The following KALRN variants were observed in gnomAD, a reference collection of about 807,000 sequenced individuals.
KALRN encodes the protein kalirin RhoGEF kinase, also known as kalirin.
Under a neutral mutation model 353.7 loss-of-function variants are expected in KALRN, and 70 were observed. The ratio of observed to expected loss-of-function variants is 0.20; its 90% CI spans 0.16 to 0.24. The LOEUF is 0.24. Ranked by LOEUF, KALRN falls within the 10% of genes least tolerant of loss-of-function variation. The probability of loss-of-function intolerance (pLI) is 1.00; values close to 1 mark genes in which losing one functional copy is unlikely to be tolerated. For synonymous variants in KALRN, 1,391 were observed against 1,434.8 expected, an observed-to-expected ratio of 0.97 and a Z score of 0.69; for missense variants, 2,791 against 3,756.7, an observed-to-expected ratio of 0.74 and a Z score of 6.72.
Position 124,518,608 on chromosome 3 carries a change from T to G in KALRN, c.4935+22195T>G, listed in dbSNP as rs971657574. On this transcript the variant is annotated intron_variant, in intron 33 of 59. Coordinates refer to ENST00000682506, the MANE Select transcript of KALRN (RefSeq NM_001388419.1). The stretch of plus-strand genomic sequence containing the variant: ...TGCAGCCTTTGCTCAGAGGGCAACA[T>G]GTTCCAAGCAAAATCTCCCCGCCTG... 3 of 1,539,450 alleles carry G rather than the reference T, an allele frequency of 1.9e-6. No individual in the cohort carries two copies. In the Admixed American group the frequency reaches 5.9e-5, roughly 31 times the overall value.
chr3:124,398,845 C>T lies in KALRN; in HGVS notation c.2320C>T (p.Arg774Cys), dbSNP rs768341806. 3 of 1,613,298 alleles carry T rather than the reference C, an allele frequency of 1.9e-6. No homozygotes were observed. Among genetic ancestry groups the T allele is most frequent in the Admixed American group, 1.7e-5 (1 of 59,970 alleles). The change falls in exon 13 of 60, where the codon CGC (arginine) becomes TGC (cysteine). Residue 774 changes from arginine (R) to cysteine (C), a missense_variant. Physicochemically the swap from Arg to Cys is radical, Grantham distance 180. Around this residue, in one of 11 missense-constraint regions of KALRN, gnomAD observed 452 missense variants for 575.8 expected, o/e 0.78. Coordinates refer to ENST00000682506, the MANE Select transcript of KALRN (RefSeq NM_001388419.1). ...CAAGCTGGACATCTTCCTGCAACTG[C>T]GCATCTTTGAGCAGTACACCATCGA... ...KIKLDIFLQL[R>C]IFEQYTIEVT...
At chr3:124,571,826 C>A (rs1312887831) in intron 34 of KALRN, among the ~76,000 whole-genome samples, 1 of 151,612 alleles carries the variant, frequency 6.6e-6, no homozygotes, top group East Asian at 2.0e-4. Context: ...TGAGGTTTCG[C>A]CATGTTGCCC....
At chr3:124,220,548 GGAATGAAGA>G (rs1212294248) in intron 1 of KALRN, among the ~76,000 whole-genome samples, 1 of 152,094 alleles carries the variant, frequency 6.6e-6, no homozygotes, top group Non-Finnish European at 1.5e-5. Context: ...GAGAATGAAG[GGAATGAAGA>G]TCTTGCTTCT....
Position 124,176,025 on chromosome 3 carries a change from C to T in KALRN, c.74-51965C>T, listed in dbSNP as rs138519529. Reference sequence around the variant, plus strand: ...TCATCTTAGGTTTTAGACCCAGTAGCCCCCCTTTATAACCTCTTGTCTGCA... The same window carrying T: ...TCATCTTAGGTTTTAGACCCAGTAGTCCCCCTTTATAACCTCTTGTCTGCA... On this transcript the variant is annotated intron_variant, in intron 1 of 59. Transcript: ENST00000682506. Among the ~76,000 whole-genome samples, 190 of 152,212 alleles carry T rather than the reference C, an allele frequency of 1.2e-3. 1 individual carries two copies. The highest frequency in any genetic ancestry group is 0.01 in the Middle Eastern group (3 of 294).
chr3:124,702,581 T>G (rs1375695457), intron 57 of KALRN, among the ~76,000 whole-genome samples: 2 of 152,242 alleles, frequency 1.3e-5, no homozygotes, highest in Admixed American at 1.3e-4. Context: ...AGAAAATCTA[T>G]ATGGTACTGA....
intron 3 of KALRN, among the ~76,000 whole-genome samples, chr3:124,243,961 T>G (rs775563625): frequency 1.3e-5 from 2 of 152,132 alleles, no homozygotes; most frequent in Non-Finnish European, 2.9e-5. Context: ...TTTTCAAAGT[T>G]AGGGTTAGGG....
chr3:124,126,450 T>A (rs2064684436), intron 1 of KALRN, among the ~76,000 whole-genome samples: 1 of 152,196 alleles, frequency 6.6e-6, no homozygotes. Context: ...CACTCCTGCA[T>A]CTTGAGAGGT....
intron 37 of KALRN, among the ~76,000 whole-genome samples, chr3:124,642,960 G>T (rs1014180591): frequency 6.6e-6 from 1 of 151,868 alleles, no homozygotes; most frequent in Non-Finnish European, 1.5e-5. Flanking sequence ...GGGATTAACA[G>T]GCATGCGCCA....
intron 10 of KALRN, among the ~76,000 whole-genome samples, chr3:124,374,797 T>C (rs2086352174): frequency 6.6e-6 from 1 of 152,210 alleles, no homozygotes; most frequent in African/African-American, 2.4e-5. Flanking sequence ...ACTGCAAAGT[T>C]ACATCTTTTG....
intron 51 of KALRN, among the ~76,000 whole-genome samples, chr3:124,684,308 A>G (rs1284359391): frequency 6.6e-6 from 1 of 152,122 alleles, no homozygotes; most frequent in African/African-American, 2.4e-5. Context: ...TTTAACCTAA[A>G]ACACAGATCC....
intron 34 of KALRN, among the ~76,000 whole-genome samples, chr3:124,566,894 G>C (rs1318852938): frequency 6.6e-6 from 1 of 152,154 alleles, no homozygotes; most frequent in East Asian, 1.9e-4. Context: ...TAAGAGAACT[G>C]GTCCTCTTAG....
chr3:124,507,635 C>T (rs1478221756), intron 33 of KALRN, among the ~76,000 whole-genome samples: 2 of 152,166 alleles, frequency 1.3e-5, no homozygotes, highest in African/African-American at 4.8e-5. Context: ...TATTTCTGCC[C>T]AGTCTTCTGA....
intron 13 of KALRN, among the ~76,000 whole-genome samples, chr3:124,407,024 G>T (rs1019347180): frequency 6.6e-6 from 1 of 151,742 alleles, no homozygotes; most frequent in African/African-American, 2.4e-5. Context: ...AGTAGAGATG[G>T]GGTTTCACCA....
chr3:124,182,423 G>T (rs1462826093), intron 1 of KALRN, among the ~76,000 whole-genome samples: 1 of 152,164 alleles, frequency 6.6e-6, no homozygotes, highest in East Asian at 1.9e-4. Flanking sequence ...GGGGCTGAGG[G>T]TCTCAGTTTC....
intron 18 of KALRN, 150 bp downstream of exon 18, chr3:124,439,187 TTC>T (rs111880516): frequency 0.045 from 21,743 of 478,322 alleles, 768 homozygotes; most frequent in African/African-American, 0.12. Context: ...CTTCTTCTCC[TTC>T]TCTCTCTCTC....
intron 1 of KALRN, among the ~76,000 whole-genome samples, chr3:124,171,957 G>C: frequency 6.6e-6 from 1 of 152,162 alleles, no homozygotes; most frequent in Non-Finnish European, 1.5e-5. Flanking sequence ...TGGTGAGAAA[G>C]GCATCTTGGA....
chr3:124,693,193 T>C (rs889202441), intron 51 of KALRN, among the ~76,000 whole-genome samples: 2 of 152,192 alleles, frequency 1.3e-5, no homozygotes, highest in Non-Finnish European at 2.9e-5. Context: ...GCCTGGGCTA[T>C]AGGAGATCAT....
At chr3:124,216,685 C>T (rs562042373) in intron 1 of KALRN, among the ~76,000 whole-genome samples, 1 of 152,254 alleles carries the variant, frequency 6.6e-6, no homozygotes, top group South Asian at 2.1e-4. Context: ...TTCAGATCAC[C>T]CCTTCTTTCC....
chr3:124,494,429 A>T (rs2063501330), intron 32 of KALRN, among the ~76,000 whole-genome samples: 1 of 152,228 alleles, frequency 6.6e-6, no homozygotes, highest in Non-Finnish European at 1.5e-5. Flanking sequence ...GGGAAGCAGA[A>T]AGTACAGCCA....
Sources: allele counts gnomAD v4.1 joint callset (sites outside exome capture counted in the v4.1 genomes callset), GRCh38; gene constraint gnomAD v4.1.1; regional missense constraint gnomAD v4.1.1; transcripts MANE v1.5; gene names NCBI Gene and HGNC (gene_info 2026-07-23, HGNC 2026-07-21).